Variants in GALNT13 observed in about 807,000 individuals in gnomAD.
GALNT13 encodes UDP-GalNAc:polypeptide N-acetylgalactosaminyltransferase 13.
GALNT13 carries 28 observed loss-of-function variants against 64.2 expected under a neutral mutation model. The ratio of observed to expected loss-of-function variants is 0.44; its 90% CI spans 0.32 to 0.60. The LOEUF is 0.60. GALNT13 is among the 20% of genes least tolerant of loss of function. The pLI, the probability that GALNT13 is intolerant of heterozygous loss-of-function variation, is 0.05. For missense variants in GALNT13, 577 were observed against 669.8 expected, an observed-to-expected ratio of 0.86 and a Z score of 1.53; for synonymous variants, 214 against 224.6, an observed-to-expected ratio of 0.95 and a Z score of 0.42.
At chr2:153,376,460 TGACCCA>T in the GALNT13 span, among the ~76,000 whole-genome samples, 2 of 152,184 alleles carry the variant, frequency 1.3e-5, no homozygotes, top group Non-Finnish European at 2.9e-5. Flanking sequence ...AGCAACTTGC[TGACCCA>T]GAGAATGTAT....
chr2:153,160,011 G>A, the GALNT13 span, among the ~76,000 whole-genome samples: 1 of 152,250 alleles, frequency 6.6e-6, no homozygotes, highest in South Asian at 2.1e-4. Context: ...AGATTATCAA[G>A]CTATAGTTTA....
chr2:153,248,009 C>G, the GALNT13 span, among the ~76,000 whole-genome samples: 2 of 152,014 alleles, frequency 1.3e-5, no homozygotes, highest in Non-Finnish European at 2.9e-5. Flanking sequence ...AGGACTAAAC[C>G]AGGAAGAAGA....
chr2:153,832,963 C>T, the GALNT13 span, among the ~76,000 whole-genome samples: 1 of 152,166 alleles, frequency 6.6e-6, no homozygotes, highest in Non-Finnish European at 1.5e-5. Flanking sequence ...GCTTCAATTG[C>T]CTGTGGTCAA....
intron 6 of GALNT13, among the ~76,000 whole-genome samples, chr2:154,244,288 T>C (rs543442027): frequency 1.3e-5 from 2 of 152,288 alleles, no homozygotes; most frequent in East Asian, 1.9e-4. Context: ...CTGTTCAAGA[T>C]TTTTAGACCT....
At chr2:153,852,425 TAA>T in the GALNT13 span, among the ~76,000 whole-genome samples, 1 of 152,182 alleles carries the variant, frequency 6.6e-6, no homozygotes, top group Admixed American at 6.5e-5. Context: ...TCAAGAATAA[TAA>T]GTGACATAAT....
chr2:154,145,070 C>CTCTATCTATCTATCTA (rs57991813), intron 4 of GALNT13, among the ~76,000 whole-genome samples: 3 of 136,234 alleles, frequency 2.2e-5, no homozygotes, highest in Admixed American at 7.4e-5. Context: ...CTCTCTCTCT[C>CTCTATCTATCTATCTA]TCTATCTATC....
the GALNT13 span, among the ~76,000 whole-genome samples, chr2:153,613,178 C>A: frequency 1.3e-5 from 2 of 152,192 alleles, no homozygotes; most frequent in East Asian, 3.9e-4. Flanking sequence ...TTTGACCATA[C>A]AACAGAAGAG....
chr2:154,139,485 G>T (rs1366762817), intron 3 of GALNT13, among the ~76,000 whole-genome samples: 1 of 151,904 alleles, frequency 6.6e-6, no homozygotes, highest in African/African-American at 2.4e-5. Context: ...CATTGGAAGA[G>T]TCGAGACCAG....
the GALNT13 span, among the ~76,000 whole-genome samples, chr2:153,722,728 C>T: frequency 2.0e-5 from 3 of 152,198 alleles, no homozygotes; most frequent in Non-Finnish European, 2.9e-5. Context: ...TTCCTTGACA[C>T]ATACACTCTC....
chr2:153,459,874 G>A, the GALNT13 span, among the ~76,000 whole-genome samples: 1 of 152,060 alleles, frequency 6.6e-6, no homozygotes, highest in Non-Finnish European at 1.5e-5. Context: ...CATAATGAAA[G>A]GTTATCTAAT....
upstream of GALNT13, among the ~76,000 whole-genome samples, chr2:153,867,675 A>C (rs899617954): frequency 1.3e-5 from 2 of 151,992 alleles, no homozygotes; most frequent in Non-Finnish European, 2.9e-5. Context: ...ATGTAGAATC[A>C]GTGGGAGCCC....
At chr2:153,389,589 T>C in the GALNT13 span, among the ~76,000 whole-genome samples, 26 of 152,222 alleles carry the variant, frequency 1.7e-4, no homozygotes, top group African/African-American at 6.3e-4. Flanking sequence ...CATTGGGAAA[T>C]CTTTAAGAAT....
the GALNT13 span, among the ~76,000 whole-genome samples, chr2:153,418,282 C>T: frequency 6.6e-6 from 1 of 152,120 alleles, no homozygotes; most frequent in African/African-American, 2.4e-5. Flanking sequence ...AAACAAATTC[C>T]CCCCTAGCAC....
the GALNT13 span, among the ~76,000 whole-genome samples, chr2:153,758,680 C>T: frequency 6.6e-6 from 1 of 152,138 alleles, no homozygotes; most frequent in East Asian, 1.9e-4. Context: ...GCAACCTCCA[C>T]CTCCCAGGTT....
At chr2:154,167,478 CTCT>C (rs1375004175) in intron 4 of GALNT13, among the ~76,000 whole-genome samples, 1 of 152,182 alleles carries the variant, frequency 6.6e-6, no homozygotes, top group Admixed American at 6.5e-5. Flanking sequence ...AAAAGGCAGC[CTCT>C]TCTTTGAACA....
At chr2:154,146,832 T>C (rs904615425) in intron 4 of GALNT13, among the ~76,000 whole-genome samples, 2 of 152,114 alleles carry the variant, frequency 1.3e-5, no homozygotes, top group African/African-American at 2.4e-5. Flanking sequence ...CCAAACCCTT[T>C]TCCTTTGTCT....
chr2:153,497,062 T>C, the GALNT13 span, among the ~76,000 whole-genome samples: 721 of 151,440 alleles, frequency 4.8e-3, 8 homozygotes, highest in Non-Finnish European at 6.0e-3. Flanking sequence ...TAATAGGTAC[T>C]GCATTCCTCT....
At chr2:153,860,683 T>A in the GALNT13 span, among the ~76,000 whole-genome samples, 4 of 152,156 alleles carry the variant, frequency 2.6e-5, no homozygotes, top group Non-Finnish European at 5.9e-5. Context: ...AATATAGAAC[T>A]ATATGATGAC....
the GALNT13 span, among the ~76,000 whole-genome samples, chr2:153,740,206 T>G: frequency 4.6e-5 from 7 of 151,818 alleles, no homozygotes; most frequent in Non-Finnish European, 5.9e-5. Context: ...TCTCTTCTAC[T>G]GGGACTCTGA....
Sources: gnomAD v4.1 joint callset for allele counts (sites outside exome capture counted in the v4.1 genomes callset) on GRCh38, gnomAD v4.1.1 for gene constraint, MANE v1.5 for transcripts, NCBI Gene and HGNC (gene_info 2026-07-23, HGNC 2026-07-21) for gene names.